FGF14: variants seen among roughly 807,000 people sequenced by gnomAD.
FGF14 encodes fibroblast growth factor homologous factor 4.
In FGF14, 5 loss-of-function variants were observed where a neutral mutation model predicts 25.5. The observed-to-expected ratio is 0.20, with a 90% CI of 0.10 to 0.41. The LOEUF (loss-of-function observed/expected upper bound fraction) is 0.41. Ranked by LOEUF, FGF14 falls within the 10% of genes least tolerant of loss-of-function variation. The pLI, the probability that FGF14 is intolerant of heterozygous loss-of-function variation, is 1.00. For synonymous variants in FGF14, 138 were observed against 118.3 expected (o/e 1.17, Z -1.08); for missense variants, 222 against 320.1 (o/e 0.69, Z 2.34).
chr13:102,051,792 TAG>T (rs2042225215), intron 1 of FGF14, among the ~76,000 whole-genome samples: 2 of 152,178 alleles, frequency 1.3e-5, no homozygotes, highest in African/African-American at 4.8e-5. Flanking sequence ...GACTAGCCAG[TAG>T]AGTCTGAAAG....
chr13:102,332,886 C>A (rs898930701), intron 1 of FGF14, among the ~76,000 whole-genome samples: 1 of 152,278 alleles, frequency 6.6e-6, no homozygotes, highest in African/African-American at 2.4e-5. Context: ...ATAAATAGCT[C>A]AGTTACAAAC....
At chr13:102,020,964 A>C (rs1175903470) in intron 1 of FGF14, among the ~76,000 whole-genome samples, 1 of 152,126 alleles carries the variant, frequency 6.6e-6, no homozygotes, top group East Asian at 1.9e-4. Context: ...GGGAAAAGAT[A>C]AACAAGAAGG....
chr13:102,312,874 C>T (rs929907585), intron 1 of FGF14, among the ~76,000 whole-genome samples: 1 of 152,202 alleles, frequency 6.6e-6, no homozygotes, highest in Non-Finnish European at 1.5e-5. Flanking sequence ...TTCTGGACTC[C>T]GTCCACAGCC....
intron 3 of FGF14, among the ~76,000 whole-genome samples, chr13:101,744,542 T>C (rs2036761608): frequency 6.6e-6 from 1 of 152,096 alleles, no homozygotes; most frequent in African/African-American, 2.4e-5. Flanking sequence ...TAATGCACAG[T>C]AGATGATTAA....
chr13:102,205,852 C>T (rs1236571961), intron 1 of FGF14, among the ~76,000 whole-genome samples: 1 of 151,054 alleles, frequency 6.6e-6, no homozygotes, highest in Non-Finnish European at 1.5e-5. Flanking sequence ...GTGGGTCAGG[C>T]AAGCAGCAAC....
rs115200311 is a variant in FGF14 at position 101,845,077 on chromosome 13, G to A, written c.408+23648C>T. Among the ~76,000 whole-genome samples, 233 of 152,114 alleles carry A rather than the reference G, an allele frequency of 1.5e-3. 2 individuals carry two copies. Among genetic ancestry groups the A allele is most frequent in the African/African-American group, 5.3e-3 (221 of 41,536 alleles). On this transcript the variant is annotated intron_variant, in intron 3 of 4. Coordinates refer to ENST00000376143, the MANE Select transcript of FGF14 (RefSeq NM_004115.4). ...ATACAAATCACCATGCCATGCCCTT[G>A]TTAGTACTTTGCAAACGTCAGGTAA...
chr13:101,847,721 A>G (rs992830850), intron 3 of FGF14, among the ~76,000 whole-genome samples: 6 of 152,110 alleles, frequency 3.9e-5, no homozygotes, highest in African/African-American at 1.2e-4. Context: ...CAGTTATTGA[A>G]GAATATCATA....
chr13:102,052,385 C>T (rs1328259830), intron 1 of FGF14, among the ~76,000 whole-genome samples: 12 of 151,694 alleles, frequency 7.9e-5, no homozygotes, highest in Non-Finnish European at 1.2e-4. Context: ...TATCCAGGTA[C>T]GAGAAGGTCA....
At chr13:102,341,958 A>G (rs1354905089) in intron 1 of FGF14, among the ~76,000 whole-genome samples, 1 of 152,118 alleles carries the variant, frequency 6.6e-6, no homozygotes, top group African/African-American at 2.4e-5. Flanking sequence ...CCTACTTGAT[A>G]TGGAGCCTCC....
intron 1 of FGF14, among the ~76,000 whole-genome samples, chr13:101,999,767 G>T (rs2039380487): frequency 6.6e-6 from 1 of 152,024 alleles, no homozygotes; most frequent in East Asian, 1.9e-4. Flanking sequence ...TGAGGTAATG[G>T]ATCCCATCAT....
At chr13:101,775,273 T>G (rs375961570) in intron 3 of FGF14, among the ~76,000 whole-genome samples, 2 of 152,194 alleles carry the variant, frequency 1.3e-5, no homozygotes, top group African/African-American at 4.8e-5. Context: ...TTGGCACTTC[T>G]GTGAACTTGG....
intron 1 of FGF14, among the ~76,000 whole-genome samples, chr13:102,122,825 C>A (rs747298307): frequency 6.6e-6 from 1 of 152,044 alleles, no homozygotes; most frequent in Non-Finnish European, 1.5e-5. Flanking sequence ...AGCATTTGAT[C>A]CCCCAGATAA....
chr13:102,218,820 T>C (rs1415250901), intron 1 of FGF14, among the ~76,000 whole-genome samples: 6 of 152,178 alleles, frequency 3.9e-5, no homozygotes, highest in African/African-American at 1.4e-4. Flanking sequence ...CTGTACACTC[T>C]TTTCATTTTA....
At chr13:101,831,050 A>G (rs781457310) in intron 3 of FGF14, among the ~76,000 whole-genome samples, 4 of 152,064 alleles carry the variant, frequency 2.6e-5, no homozygotes, top group Non-Finnish European at 4.4e-5. Flanking sequence ...TTAATTACAT[A>G]TGCTGTATCT....
chr13:102,156,905 C>A (rs2047369465), intron 1 of FGF14, among the ~76,000 whole-genome samples: 1 of 152,188 alleles, frequency 6.6e-6, no homozygotes, highest in East Asian at 1.9e-4. Flanking sequence ...CTCCCATTCA[C>A]AACTGCTTCA....
chr13:101,953,588 A>ATACATAT, intron 1 of FGF14, among the ~76,000 whole-genome samples: 1 of 148,690 alleles, frequency 6.7e-6, no homozygotes, highest in Non-Finnish European at 1.5e-5. Context: ...ATATATATAT[A>ATACATAT]ATTTTTATTT....
chr13:101,894,741 G>A (rs77518972), intron 1 of FGF14, among the ~76,000 whole-genome samples: 2,432 of 152,004 alleles, frequency 0.016, 24 homozygotes, highest in Middle Eastern at 0.027. Context: ...TTTACTGTAA[G>A]ATTAAAGAAA....
intron 1 of FGF14, among the ~76,000 whole-genome samples, chr13:102,357,598 A>G (rs2057454995): frequency 6.6e-6 from 1 of 152,234 alleles, no homozygotes; most frequent in African/African-American, 2.4e-5. Context: ...TGAGCAAATT[A>G]AATAATTTCT....
intron 1 of FGF14, among the ~76,000 whole-genome samples, chr13:101,984,851 T>C (rs534809506): frequency 3.2e-4 from 49 of 152,272 alleles, no homozygotes; most frequent in African/African-American, 1.1e-3. Context: ...TACAATTATA[T>C]GCAGGTAGCA....
Sources: allele counts gnomAD v4.1 joint callset (sites outside exome capture counted in the v4.1 genomes callset), GRCh38; gene constraint gnomAD v4.1.1; transcripts MANE v1.5; gene names NCBI Gene and HGNC (gene_info 2026-07-23, HGNC 2026-07-21).